NXPH1: variants seen among roughly 807,000 people sequenced by gnomAD.
NXPH1 encodes neurexophilin 1, also known as neurexophilin-1.
In NXPH1, 5 loss-of-function variants were observed where a neutral mutation model predicts 23.7. The observed-to-expected ratio is 0.21, with a 90% CI of 0.11 to 0.44. The LOEUF is 0.44. Among genes scored for constraint, NXPH1 ranks in the 20% least tolerant of loss-of-function variants. The pLI is 0.99. For missense variants in NXPH1, 324 were observed against 321.6 expected (o/e 1.01, Z -0.06); for synonymous variants, 144 against 122.2 (o/e 1.18, Z -1.18).
intron 2 of NXPH1, among the ~76,000 whole-genome samples, chr7:8,510,546 T>C (rs1050026343): frequency 1.3e-5 from 2 of 151,974 alleles, no homozygotes; most frequent in African/African-American, 4.8e-5. Flanking sequence ...GAAAGTAAAA[T>C]GTTTTAAAAT....
chr7:8,743,833 A>G (rs370725363), intron 2 of NXPH1, among the ~76,000 whole-genome samples: 1 of 151,672 alleles, frequency 6.6e-6, no homozygotes, highest in South Asian at 2.1e-4. Flanking sequence ...ACAGGCACCC[A>G]CCACCGTGCC....
At chr7:8,693,848 C>T (rs550680754) in intron 2 of NXPH1, among the ~76,000 whole-genome samples, 1 of 152,120 alleles carries the variant, frequency 6.6e-6, no homozygotes, top group Non-Finnish European at 1.5e-5. Flanking sequence ...TTTTTCCTCT[C>T]AGTTTGGTGT....
intron 2 of NXPH1, among the ~76,000 whole-genome samples, chr7:8,463,272 C>G (rs139879208): frequency 2.1e-4 from 32 of 151,768 alleles, no homozygotes; most frequent in African/African-American, 7.7e-4. Context: ...GGAGGTATTA[C>G]CAAATGGTAT....
intron 2 of NXPH1, among the ~76,000 whole-genome samples, chr7:8,516,619 G>A (rs1366944646): frequency 6.6e-6 from 1 of 152,038 alleles, no homozygotes; most frequent in Non-Finnish European, 1.5e-5. Context: ...CTTGCCCAAG[G>A]CCAACAGCAG....
intron 2 of NXPH1, among the ~76,000 whole-genome samples, chr7:8,511,710 C>G (rs189699071): frequency 1.9e-4 from 29 of 152,244 alleles, no homozygotes; most frequent in Non-Finnish European, 2.8e-4. Context: ...CACCAGTATA[C>G]TACAGCAAAT....
At chr7:8,527,785 G>C (rs182398350) in intron 2 of NXPH1, among the ~76,000 whole-genome samples, 7 of 152,276 alleles carry the variant, frequency 4.6e-5, no homozygotes, top group Admixed American at 3.3e-4. Flanking sequence ...CTCCTGAAGA[G>C]ACCTAACTAT....
intron 2 of NXPH1, among the ~76,000 whole-genome samples, chr7:8,655,902 C>A (rs7796206): frequency 0.7 from 106,310 of 152,056 alleles, 38,080 homozygotes; most frequent in East Asian, 1. Flanking sequence ...CCTTACTCCA[C>A]TGTGTTCCCT....
At chr7:8,669,212 A>C (rs1334964970) in intron 2 of NXPH1, among the ~76,000 whole-genome samples, 2 of 152,164 alleles carry the variant, frequency 1.3e-5, no homozygotes, top group Non-Finnish European at 2.9e-5. Context: ...GACATGGAGC[A>C]TGCGTCCATG....
intron 2 of NXPH1, among the ~76,000 whole-genome samples, chr7:8,666,783 A>C (rs985712): frequency 0.64 from 96,590 of 151,814 alleles, 31,586 homozygotes; most frequent in Middle Eastern, 0.76. Context: ...GTAATTTATC[A>C]ATTTATTCTA....
intron 2 of NXPH1, among the ~76,000 whole-genome samples, chr7:8,680,109 T>C (rs1371829398): frequency 1.3e-5 from 2 of 152,234 alleles, no homozygotes; most frequent in Non-Finnish European, 2.9e-5. Flanking sequence ...ATCAACAGCA[T>C]AAAGCTTTTA....
At chr7:8,609,928 T>C (rs1366229410) in intron 2 of NXPH1, among the ~76,000 whole-genome samples, 1 of 152,162 alleles carries the variant, frequency 6.6e-6, no homozygotes, top group Non-Finnish European at 1.5e-5. Flanking sequence ...GATTTTCAAA[T>C]CCCTTGGCGA....
intron 2 of NXPH1, among the ~76,000 whole-genome samples, chr7:8,574,350 G>C (rs1323977013): frequency 6.6e-6 from 1 of 152,110 alleles, no homozygotes; most frequent in Non-Finnish European, 1.5e-5. Flanking sequence ...CTGGGCTCCA[G>C]CGATCCTCCT....
At chr7:8,522,383 A>C (rs1360521465) in intron 2 of NXPH1, among the ~76,000 whole-genome samples, 1 of 152,242 alleles carries the variant, frequency 6.6e-6, no homozygotes, top group Non-Finnish European at 1.5e-5. Flanking sequence ...CAGCTAGTTC[A>C]TACAATTGAA....
At chr7:8,495,913 C>T (rs556155316) in intron 2 of NXPH1, among the ~76,000 whole-genome samples, 3 of 152,138 alleles carry the variant, frequency 2.0e-5, no homozygotes, top group African/African-American at 7.2e-5. Context: ...TATTGTGTTT[C>T]TGGTGAATCA....
chr7:8,448,085 G>T (rs561771000), intron 2 of NXPH1, among the ~76,000 whole-genome samples: 1 of 152,192 alleles, frequency 6.6e-6, no homozygotes, highest in Admixed American at 6.5e-5. Flanking sequence ...TGAAAGACTG[G>T]CTAGGAGAAA....
chr7:8,591,717 A>G (rs923914801), intron 2 of NXPH1, among the ~76,000 whole-genome samples: 2 of 152,022 alleles, frequency 1.3e-5, no homozygotes, highest in African/African-American at 4.8e-5. Flanking sequence ...GGCACCTAGA[A>G]GTGTGTTTTA....
At chr7:8,452,135 TGATTCTA>T (rs1816517326) in intron 2 of NXPH1, among the ~76,000 whole-genome samples, 1 of 152,208 alleles carries the variant, frequency 6.6e-6, no homozygotes, top group South Asian at 2.1e-4. Flanking sequence ...ACTTTGTCAG[TGATTCTA>T]GAGTTAATAG....
chr7:8,460,534 AATAGAATGTG>A (rs1816675035), intron 2 of NXPH1, among the ~76,000 whole-genome samples: 1 of 152,198 alleles, frequency 6.6e-6, no homozygotes, highest in South Asian at 2.1e-4. Context: ...TTTAGTTAGT[AATAGAATGTG>A]ATCAATGGGA....
chr7:8,549,533 T>A (rs1391882691), intron 2 of NXPH1, among the ~76,000 whole-genome samples: 1 of 151,494 alleles, frequency 6.6e-6, no homozygotes, highest in African/African-American at 2.4e-5. Context: ...TTTCTAAGAT[T>A]AATTCAGTAG....
Sources: allele counts gnomAD v4.1 joint callset (sites outside exome capture counted in the v4.1 genomes callset), GRCh38; gene constraint gnomAD v4.1.1; transcripts MANE v1.5; gene names NCBI Gene and HGNC (gene_info 2026-07-23, HGNC 2026-07-21).